Variants in RABEPK observed in about 807,000 individuals in gnomAD.
RABEPK encodes Rab9 effector protein with kelch motifs.
Under a neutral mutation model 34.1 loss-of-function variants are expected in RABEPK, and 27 were observed. The observed-to-expected ratio is 0.79, with a 90% CI of 0.58 to 1.09. RABEPK has a LOEUF of 1.09. RABEPK is among the 50% of genes least tolerant of loss of function. The probability of loss-of-function intolerance (pLI) is 0.00; values close to 1 mark genes in which losing one functional copy is unlikely to be tolerated. For missense variants in RABEPK, 449 were observed against 462.6 expected (o/e 0.97, Z 0.27); for synonymous variants, 172 against 169.2 (o/e 1.02, Z -0.13).
At chr9:125,202,544 C>T (rs1246229521) in intron 1 of RABEPK, among the ~76,000 whole-genome samples, 2 of 123,036 alleles carry the variant, frequency 1.6e-5, no homozygotes, top group African/African-American at 3.1e-5. Context: ...AAGATAAATA[C>T]ATAGGCCAGG....
chr9:125,225,321 G>A (rs1171003773), intron 5 of RABEPK, among the ~76,000 whole-genome samples: 2 of 152,066 alleles, frequency 1.3e-5, no homozygotes, highest in Non-Finnish European at 2.9e-5. Flanking sequence ...CGAGGCAGAG[G>A]TTGCAGTGAG....
At chr9:125,224,213 C>CAA (rs904628663) in intron 5 of RABEPK, among the ~76,000 whole-genome samples, 77 of 117,402 alleles carry the variant, frequency 6.6e-4, no homozygotes, top group African/African-American at 2.2e-3. Flanking sequence ...AAAAACAAAA[C>CAA]AAAAAAAAAA....
In RABEPK at chr9:125,200,664, T is replaced by C. The variant is rs938103939; in HGVS notation, c.-249T>C. The C allele has an allele frequency of 2.1e-6, 1 of 471,140 alleles. No homozygotes were observed. Among genetic ancestry groups the C allele is most frequent in the South Asian group, 1.5e-5 (1 of 64,572 alleles). 29.2% of individuals were successfully genotyped at this position (471,140 alleles called of 1,614,324 possible). A position where few individuals can be genotyped will look rare whatever the true frequency, so the allele number is the denominator to read the frequency against. On this transcript the variant is annotated 5_prime_UTR_variant, in exon 1 of 8. Coordinates refer to ENST00000373538, the MANE Select transcript of RABEPK (RefSeq NM_005833.4). ...TCTCGGGCAGGGAGTCTGAATCTTT[T>C]AGGGGAGTGGGCCCAAGCCGGGTGC...
At position 125,200,647 on chromosome 9, in the gene RABEPK, A is replaced by T. The variant is rs112140095; in HGVS notation, c.-266A>T. Reference sequence around the variant, plus strand: ...TACCGGGTCTATCACGGTCTCGGGCAGGGAGTCTGAATCTTTTAGGGGAGT... The same window carrying T: ...TACCGGGTCTATCACGGTCTCGGGCTGGGAGTCTGAATCTTTTAGGGGAGT... On this transcript the variant is annotated 5_prime_UTR_variant, in exon 1 of 8. Transcript: ENST00000373538. The T allele has an allele frequency of 6.6e-3, 3,109 of 470,558 alleles. 93 individuals carry two copies. The highest frequency in any genetic ancestry group is 0.056 in the African/African-American group (2,793 of 50,182). The allele number at this position is 470,558 out of a possible 1,614,324, so 29.1% of individuals were successfully genotyped here. A position where few individuals can be genotyped will look rare whatever the true frequency, so the allele number is the denominator to read the frequency against.
intron 1 of RABEPK, among the ~76,000 whole-genome samples, chr9:125,201,565 G>A (rs1829903550): frequency 2.0e-5 from 3 of 152,086 alleles, no homozygotes; most frequent in Admixed American, 2.0e-4. Context: ...ATTGCCTGAG[G>A]CTAGGAGTTC....
intron 5 of RABEPK, among the ~76,000 whole-genome samples, chr9:125,223,007 C>T (rs1831460626): frequency 6.6e-6 from 1 of 151,566 alleles, no homozygotes; most frequent in South Asian, 2.1e-4. Context: ...TTAGGCCAGG[C>T]GCGGTGGCTC....
Position 125,225,456 on chromosome 9 carries a change from G to C in RABEPK, c.527-2454G>C, listed in dbSNP as rs547682815. Among the ~76,000 whole-genome samples the C allele has an allele frequency of 1.7e-4, 26 of 152,140 alleles. No homozygotes were observed. The South Asian group carries it at 4.8e-3, about 28-fold the overall frequency. ...CCCAGCACTTTGGGAGGCCCAGGGG[G>C]GTGGATCTCTTATGGTCAGGAGTTT... On this transcript the variant is annotated intron_variant, in intron 5 of 7. Transcript: ENST00000373538.
In RABEPK at chr9:125,220,296, A is replaced by G. The variant is rs936635652; in HGVS notation, c.365-243A>G. On this transcript the variant is annotated intron_variant, in intron 4 of 7. Transcript: ENST00000373538. ...GGATTACAGGCATGAGCCACACTGC[A>G]CCCAGCCTGACTCCATTCTTGTGCT... The G allele has an allele frequency of 2.1e-6, 3 of 1,413,722 alleles. No individual in the cohort carries two copies. The African/African-American group carries it at 4.4e-5, about 21-fold the overall frequency. The allele number at this position is 1,413,722 out of a possible 1,614,324, so 87.6% of individuals were successfully genotyped here.
intron 1 of RABEPK, among the ~76,000 whole-genome samples, chr9:125,201,490 C>A: frequency 6.6e-6 from 1 of 152,162 alleles, no homozygotes; most frequent in South Asian, 2.1e-4. Flanking sequence ...AATATTTTGT[C>A]CTTTGAGCGG....
intron 5 of RABEPK, among the ~76,000 whole-genome samples, chr9:125,226,817 T>G (rs547223831): frequency 6.6e-6 from 1 of 151,612 alleles, no homozygotes; most frequent in South Asian, 2.1e-4. Context: ...TAAGCCGAGA[T>G]TGTGCCACTG....
intron 4 of RABEPK, among the ~76,000 whole-genome samples, chr9:125,219,337 C>T (rs1588376708): frequency 1.3e-5 from 2 of 151,180 alleles, no homozygotes; most frequent in African/African-American, 4.8e-5. Flanking sequence ...GCTAGGGTTA[C>T]AGGCCTTACA....
At position 125,207,649 on chromosome 9, in the gene RABEPK, A is replaced by C. The variant is rs1830310448; in HGVS notation, c.139A>C (p.Arg47=). ...SYLPPVGNAK[R]GKVFIVGGAN... Reference sequence around the variant, plus strand: ...TTTACCCCCAGTTGGTAATGCCAAGAGAGGGAAGGTCTTCATTGTTGGGGG... The same window carrying C: ...TTTACCCCCAGTTGGTAATGCCAAGCGAGGGAAGGTCTTCATTGTTGGGGG... The change falls in exon 3 of 8, where the codon AGA becomes CGA. Residue 47 remains arginine, a synonymous_variant. Transcript: ENST00000373538. 6.2e-7 allele frequency: 1 copy of C among 1,614,170 alleles called. No homozygotes were observed. Among genetic ancestry groups the C allele is most frequent in the Non-Finnish European group, 8.5e-7 (1 of 1,180,006 alleles).
At chr9:125,223,153 G>A (rs951848792) in intron 5 of RABEPK, among the ~76,000 whole-genome samples, 28 of 152,186 alleles carry the variant, frequency 1.8e-4, no homozygotes, top group African/African-American at 6.3e-4. Context: ...GGTGGCGGGC[G>A]CCTATAATCC....
At chr9:125,230,070 T>C (rs1335853325) in intron 6 of RABEPK, among the ~76,000 whole-genome samples, 1 of 152,196 alleles carries the variant, frequency 6.6e-6, no homozygotes, top group Non-Finnish European at 1.5e-5. Context: ...GTCAAGTGAT[T>C]CTCCTGCCTC....
intron 4 of RABEPK, among the ~76,000 whole-genome samples, chr9:125,219,260 G>C (rs1020779211): frequency 4.6e-4 from 63 of 136,166 alleles, no homozygotes; most frequent in African/African-American, 1.7e-3. Flanking sequence ...GCAATGGCAC[G>C]ATCATAGTTC....
At chr9:125,232,805 C>T (rs981530964) in intron 7 of RABEPK, 60 bp downstream of exon 7, 54 of 1,526,140 alleles carry the variant, frequency 3.5e-5, no homozygotes, top group Non-Finnish European at 4.4e-5. Context: ...AAACGTGATG[C>T]GGTGGCTCAC....
chr9:125,233,542 C>T, intron 7 of RABEPK, 146 bp from the exon 8 acceptor site: 4 of 788,530 alleles, frequency 5.1e-6, no homozygotes, highest in Non-Finnish European at 8.1e-6. Context: ...CGGGGTTTCA[C>T]CGTGTTAGCC....
At chr9:125,207,516 G>A (rs772408124) in intron 2 of RABEPK, 48 bp from the exon 3 acceptor site, 12 of 1,565,472 alleles carry the variant, frequency 7.7e-6, no homozygotes, top group Non-Finnish European at 1.1e-5. Flanking sequence ...GCACACTACT[G>A]CATTTATTCT....
chr9:125,207,757 C>T, intron 3 of RABEPK, 36 bp downstream of exon 3: 1 of 1,609,856 alleles, frequency 6.2e-7, no homozygotes, highest in Non-Finnish European at 8.5e-7. Context: ...TGCCCTATGG[C>T]CAGAGAACAG....
Sources: gnomAD v4.1 joint callset for allele counts (sites outside exome capture counted in the v4.1 genomes callset) on GRCh38, gnomAD v4.1.1 for gene constraint, MANE v1.5 for transcripts, NCBI Gene and HGNC (gene_info 2026-07-23, HGNC 2026-07-21) for gene names.